ZNF407: variants seen among roughly 807,000 people sequenced by gnomAD.
ZNF407 encodes zinc finger protein 407.
A neutral mutation model predicts 131.2 loss-of-function variants in ZNF407; 17 were observed. The observed-to-expected ratio is 0.13, with a 90% CI of 0.09 to 0.19. The LOEUF (loss-of-function observed/expected upper bound fraction) is 0.19, where lower values mean the gene tolerates loss of function less well. Ranked by LOEUF, ZNF407 falls within the 10% of genes least tolerant of loss-of-function variation. The probability of loss-of-function intolerance (pLI) is 1.00; values close to 1 mark genes in which losing one functional copy is unlikely to be tolerated. For synonymous variants in ZNF407, 1,156 were observed against 1,062.0 expected (o/e 1.09, Z -1.72); for missense variants, 2,681 against 2,830.6 (o/e 0.95, Z 1.20).
At chr18:74,758,794 G>A (rs892623594) in intron 3 of ZNF407, among the ~76,000 whole-genome samples, 1 of 151,974 alleles carries the variant, frequency 6.6e-6, no homozygotes, top group Non-Finnish European at 1.5e-5. Context: ...TGGCCAGGCT[G>A]GTCTCGAACT....
intron 3 of ZNF407, among the ~76,000 whole-genome samples, chr18:74,776,798 T>A (rs572987437): frequency 1.2e-4 from 19 of 152,332 alleles, no homozygotes; most frequent in African/African-American, 4.6e-4. Context: ...ATTCTGTATA[T>A]GTATTATATG....
intron 4 of ZNF407, among the ~76,000 whole-genome samples, chr18:74,869,336 C>T (rs953877119): frequency 7.9e-5 from 12 of 152,104 alleles, no homozygotes; most frequent in Non-Finnish European, 1.6e-4. Context: ...TCTTATTCTC[C>T]AGGACTTGAC....
At chr18:74,680,418 A>T (rs1966955514) in intron 3 of ZNF407, among the ~76,000 whole-genome samples, 1 of 143,494 alleles carries the variant, frequency 7.0e-6, no homozygotes, top group Non-Finnish European at 1.5e-5. Context: ...AAAAAAAAAT[A>T]GAACCCCCAA....
Position 74,789,363 on chromosome 18 carries a change from C to T in ZNF407, c.4877+7861C>T, listed in dbSNP as rs141656173. On this transcript the variant is annotated intron_variant, in intron 4 of 8. Coordinates refer to ENST00000299687, the MANE Select transcript of ZNF407 (RefSeq NM_017757.3). Reference sequence around the variant, plus strand: ...CTTGAGCTCAGTGGCCTTGCACACACGGTTGGGGAGAGTGGTCTAAGGTAG... The same window carrying T: ...CTTGAGCTCAGTGGCCTTGCACACATGGTTGGGGAGAGTGGTCTAAGGTAG... 2.4e-3 allele frequency among the ~76,000 whole-genome samples: 360 copies of T among 152,048 alleles called. 3 individuals carry two copies. The highest frequency in any genetic ancestry group is 8.3e-3 in the African/African-American group (344 of 41,460).
intron 3 of ZNF407, among the ~76,000 whole-genome samples, chr18:74,727,359 T>C (rs1250527218): frequency 6.6e-6 from 1 of 152,140 alleles, no homozygotes; most frequent in Non-Finnish European, 1.5e-5. Context: ...TTGAGCCCTC[T>C]TCCACCACAG....
chr18:74,949,624 G>T (rs1972191299), intron 8 of ZNF407, among the ~76,000 whole-genome samples: 1 of 152,170 alleles, frequency 6.6e-6, no homozygotes, highest in Non-Finnish European at 1.5e-5. Context: ...GGGAATTAGA[G>T]GGAGGGTTTC....
chr18:74,749,862 G>A (rs1968757625), intron 3 of ZNF407, among the ~76,000 whole-genome samples: 1 of 152,148 alleles, frequency 6.6e-6, no homozygotes, highest in Admixed American at 6.6e-5. Context: ...AATTAAAGAA[G>A]TATGATAAGT....
At chr18:74,875,025 A>G (rs1971137003) in intron 4 of ZNF407, among the ~76,000 whole-genome samples, 1 of 152,190 alleles carries the variant, frequency 6.6e-6, no homozygotes, top group Non-Finnish European at 1.5e-5. Flanking sequence ...GCAGGTCCCC[A>G]GGAGGACCAG....
intron 8 of ZNF407, among the ~76,000 whole-genome samples, chr18:75,041,343 A>G (rs558394745): frequency 2.8e-4 from 42 of 152,338 alleles, no homozygotes; most frequent in African/African-American, 9.9e-4. Flanking sequence ...ACTAACGACC[A>G]TAGGAAAAGC....
At chr18:74,873,734 T>C (rs1971118745) in intron 4 of ZNF407, among the ~76,000 whole-genome samples, 3 of 151,944 alleles carry the variant, frequency 2.0e-5, no homozygotes, top group African/African-American at 7.3e-5. Context: ...AAAGGAACTC[T>C]TTTAAATTTA....
chr18:74,868,214 G>A (rs1971039812), intron 4 of ZNF407, among the ~76,000 whole-genome samples: 1 of 152,200 alleles, frequency 6.6e-6, no homozygotes, highest in South Asian at 2.1e-4. Context: ...CAGCAGCATT[G>A]CTATAGCTAA....
intron 4 of ZNF407, among the ~76,000 whole-genome samples, chr18:74,858,231 G>C (rs1220508773): frequency 6.9e-6 from 1 of 145,168 alleles, no homozygotes; most frequent in East Asian, 2.2e-4. Flanking sequence ...CAGAAATAAT[G>C]AATGTCCACG....
At chr18:74,719,328 C>T (rs1294975222) in intron 3 of ZNF407, among the ~76,000 whole-genome samples, 1 of 152,170 alleles carries the variant, frequency 6.6e-6, no homozygotes, top group Non-Finnish European at 1.5e-5. Flanking sequence ...CCCTATTCCT[C>T]CCTTCCTCCT....
intron 8 of ZNF407, among the ~76,000 whole-genome samples, chr18:74,947,939 A>C (rs1283171826): frequency 2.6e-5 from 4 of 152,230 alleles, no homozygotes; most frequent in Non-Finnish European, 4.4e-5. Context: ...AAAGTGCTGT[A>C]AATTCACACC....
chr18:74,676,437 ATTTT>A (rs1178240160), intron 3 of ZNF407, among the ~76,000 whole-genome samples: 2 of 119,676 alleles, frequency 1.7e-5, no homozygotes, highest in Non-Finnish European at 1.8e-5. Flanking sequence ...GTGATATAGC[ATTTT>A]TTTTTTTTTT....
intron 3 of ZNF407, among the ~76,000 whole-genome samples, chr18:74,664,496 AAAACAAAC>A (rs895642148): frequency 6.6e-6 from 1 of 152,154 alleles, no homozygotes. Context: ...CTCCGTCTCA[AAAACAAAC>A]AAACAAACAA....
At chr18:74,720,063 T>G (rs1347745218) in intron 3 of ZNF407, among the ~76,000 whole-genome samples, 1 of 152,198 alleles carries the variant, frequency 6.6e-6, no homozygotes, top group African/African-American at 2.4e-5. Flanking sequence ...ATTTTTTTTT[T>G]GAAGAAGAAG....
intron 8 of ZNF407, among the ~76,000 whole-genome samples, chr18:75,036,974 T>C (rs191394970): frequency 6.6e-6 from 1 of 152,356 alleles, no homozygotes; most frequent in East Asian, 1.9e-4. Flanking sequence ...GGATTGTCTT[T>C]GGCAGCGTCG....
At chr18:75,017,353 T>G (rs1181077210) in intron 8 of ZNF407, among the ~76,000 whole-genome samples, 1 of 152,164 alleles carries the variant, frequency 6.6e-6, no homozygotes, top group East Asian at 1.9e-4. Context: ...TTTTAAAGGT[T>G]AATAATATAT....
Sources: allele counts gnomAD v4.1 joint callset (sites outside exome capture counted in the v4.1 genomes callset), GRCh38; gene constraint gnomAD v4.1.1; transcripts MANE v1.5; gene names NCBI Gene and HGNC (gene_info 2026-07-23, HGNC 2026-07-21).